CACNA1C: variants seen among roughly 807,000 people sequenced by gnomAD.
CACNA1C encodes the protein voltage-dependent L-type calcium channel subunit alpha-1C.
A neutral mutation model predicts 229.0 loss-of-function variants in CACNA1C; 30 were observed. The observed-to-expected ratio is 0.13, with a 90% CI of 0.10 to 0.18. The LOEUF (loss-of-function observed/expected upper bound fraction) is 0.18, where lower values mean the gene tolerates loss of function less well. CACNA1C is among the 10% of genes least tolerant of loss of function. The probability of loss-of-function intolerance (pLI) is 1.00; values close to 1 mark genes in which losing one functional copy is unlikely to be tolerated. For synonymous variants in CACNA1C, 1,114 were observed against 1,132.5 expected, an observed-to-expected ratio of 0.98 and a Z score of 0.33; for missense variants, 1,658 against 2,845.0, an observed-to-expected ratio of 0.58 and a Z score of 9.49.
intron 1 of CACNA1C, among the ~76,000 whole-genome samples, chr12:2,090,615 G>C (rs1265174022): frequency 1.3e-5 from 2 of 152,168 alleles, no homozygotes; most frequent in Non-Finnish European, 2.9e-5. Context: ...ACCGTGCCCA[G>C]CCACGGATAG....
At chr12:2,577,923 C>T (rs1189749423) in intron 13 of CACNA1C, among the ~76,000 whole-genome samples, 1 of 149,440 alleles carries the variant, frequency 6.7e-6, no homozygotes, top group Non-Finnish European at 1.5e-5. Context: ...GGCTGGAGTG[C>T]AGTGGCGCGA....
Position 2,115,420 on chromosome 12 carries a change from G to A in CACNA1C, c.246G>A (p.Lys82=). 1 of 1,612,782 alleles carries A rather than the reference G, an allele frequency of 6.2e-7. No individual in the cohort carries two copies. Among genetic ancestry groups the A allele is most frequent in the Admixed American group, 1.7e-5 (1 of 59,980 alleles). The part of the protein sequence containing the change: ...TISTVSSTQR[K]RQQYGKPKKQ... The stretch of plus-strand genomic sequence containing the variant: ...CCACAGTCAGCTCCACGCAGCGGAA[G>A]CGGCAGCAATATGGGAAACCCAAGA... The change falls in exon 2 of 47, where the codon AAG becomes AAA. Residue 82 remains lysine (K), a synonymous_variant. Transcript: ENST00000399655.
rs528050136 is a variant in CACNA1C at position 2,265,611 on chromosome 12, CA to C, written c.477+145184del. ...ATCCCCCAGGGGACCATCTTCCCTG[CA>C]AATGCAGGGTGACGCTGTGCAGTGG... On this transcript the variant is annotated intron_variant, in intron 3 of 46. Transcript: ENST00000399655. Among the ~76,000 whole-genome samples, 38 of 152,382 alleles carry C rather than the reference CA, an allele frequency of 2.5e-4. No individual in the cohort carries two copies. The East Asian group carries it at 6.7e-3, about 27-fold the overall frequency.
chr12:2,186,332 C>T (rs962914626), intron 3 of CACNA1C, among the ~76,000 whole-genome samples: 2 of 152,134 alleles, frequency 1.3e-5, no homozygotes, highest in African/African-American at 4.8e-5. Flanking sequence ...GGGATCTAGG[C>T]CCAAGTGACT....
At chr12:2,681,987 A>T in intron 42 of CACNA1C, 2 of 1,611,702 alleles carry the variant, frequency 1.2e-6, no homozygotes, top group Non-Finnish European at 1.7e-6. Flanking sequence ...TCTGGAGCTC[A>T]GGAGGGATTC....
intron 5 of CACNA1C, among the ~76,000 whole-genome samples, chr12:2,485,011 G>C (rs935569618): frequency 6.6e-6 from 1 of 151,314 alleles, no homozygotes; most frequent in Non-Finnish European, 1.5e-5. Context: ...CACCAACAAC[G>C]GCCTTGGGGT....
At chr12:2,305,979 C>T (rs999260471) in intron 3 of CACNA1C, among the ~76,000 whole-genome samples, 2 of 152,196 alleles carry the variant, frequency 1.3e-5, no homozygotes, top group East Asian at 1.9e-4. Context: ...ATCCTCATAT[C>T]GACCTTCTCC....
intron 9 of CACNA1C, among the ~76,000 whole-genome samples, chr12:2,514,273 C>G (rs1392272972): frequency 1.3e-5 from 2 of 152,164 alleles, no homozygotes. Flanking sequence ...TCTCTGCTCC[C>G]TCATTTCAAA....
At chr12:2,249,125 A>T (rs2154382976) in intron 3 of CACNA1C, among the ~76,000 whole-genome samples, 1 of 152,316 alleles carries the variant, frequency 6.6e-6, no homozygotes, top group East Asian at 1.9e-4. Flanking sequence ...CCTTTCTTCA[A>T]ATCCCAAGCC....
intron 1 of CACNA1C, among the ~76,000 whole-genome samples, chr12:2,045,156 G>A (rs1233777866): frequency 6.6e-6 from 1 of 152,164 alleles, no homozygotes; most frequent in Non-Finnish European, 1.5e-5. Context: ...CCAAATAAAT[G>A]TGTTTACTCT....
intron 1 of CACNA1C, among the ~76,000 whole-genome samples, chr12:2,039,163 A>G (rs1184127929): frequency 1.3e-5 from 2 of 152,210 alleles, no homozygotes; most frequent in Admixed American, 6.5e-5. Flanking sequence ...CAGAGTTCCA[A>G]TCCCCTGGTA....
chr12:2,078,358 CT>C (rs1246936167), intron 1 of CACNA1C, among the ~76,000 whole-genome samples: 1 of 152,094 alleles, frequency 6.6e-6, no homozygotes, highest in African/African-American at 2.4e-5. Flanking sequence ...CTATGACAGC[CT>C]GAGCTGATTA....
At position 2,354,559 on chromosome 12, in the gene CACNA1C, G is replaced by A. The variant is rs966306487; in HGVS notation, c.478-94417G>A. Among the ~76,000 whole-genome samples the A allele has an allele frequency of 2.6e-5, 4 of 152,128 alleles. No homozygotes were observed. The highest frequency in any genetic ancestry group is 6.5e-5 in the Admixed American group (1 of 15,272). On this transcript the variant is annotated intron_variant, in intron 3 of 46. Transcript: ENST00000399655. The surrounding 1 kb of genome is among the most constrained non-coding windows in gnomAD (Gnocchi z 4.6). ...CCCAAGAGAGGGAAAATGCCTTTCC[G>A]CATGCATGCTCTCCTAGCTATGCTT... is the stretch of plus-strand genomic sequence containing the variant.
At chr12:2,391,980 C>T (rs1288627659) in intron 3 of CACNA1C, among the ~76,000 whole-genome samples, 4 of 152,226 alleles carry the variant, frequency 2.6e-5, no homozygotes, top group Admixed American at 1.3e-4. Context: ...CCAGGAGTTC[C>T]GCTGGACAGC....
chr12:2,199,788 G>A lies in CACNA1C; in HGVS notation c.477+79358G>A, dbSNP rs1344546262. 2.0e-5 allele frequency among the ~76,000 whole-genome samples: 3 copies of A among 152,152 alleles called. No homozygotes were observed. The East Asian group carries it at 5.8e-4, about 29-fold the overall frequency. On this transcript the variant is annotated intron_variant, in intron 3 of 46. Coordinates refer to ENST00000399655, the MANE Select transcript of CACNA1C (RefSeq NM_000719.7). The stretch of plus-strand genomic sequence containing the variant: ...GCCTCTGTGGATGCCTATGTAAAGT[G>A]GCACCATTTACTTCAGCCGAGAGGT...
intron 1 of CACNA1C, among the ~76,000 whole-genome samples, chr12:2,024,749 G>A (rs966934439): frequency 2.6e-5 from 4 of 152,202 alleles, no homozygotes; most frequent in African/African-American, 9.6e-5. Context: ...AGGGCCTGTT[G>A]AGAGCATCTG....
chr12:2,112,107 C>T (rs771023891), intron 1 of CACNA1C, among the ~76,000 whole-genome samples: 2 of 152,170 alleles, frequency 1.3e-5, no homozygotes, highest in Non-Finnish European at 2.9e-5. Flanking sequence ...AGCAGCTCAC[C>T]GTGAGCCCTG....
chr12:2,679,589 A>G lies in CACNA1C; in HGVS notation c.5237A>G (p.Glu1746Gly). Residue 1746 changes from glutamate (E) to glycine (G), a missense_variant, in exon 42 of 47, where the codon GAG becomes GGG. Physicochemically the swap from Glu to Gly is moderately conservative, Grantham distance 98. Around this residue, in one of 20 missense-constraint regions of CACNA1C, gnomAD observed 590 missense variants for 700.8 expected, o/e 0.84. Coordinates refer to ENST00000399655, the MANE Select transcript of CACNA1C (RefSeq NM_000719.7). The surrounding 1 kb of genome is among the most constrained non-coding windows in gnomAD (Gnocchi z 5.5). The part of the protein sequence containing the change: ...SQGDTESPSH[E>G]KLVDSTFTPS... ...GGCGACACTGAGTCGCCATCCCACG[A>G]GAAGCTGGTGGACTCCACCTTCACC... is the stretch of plus-strand genomic sequence containing the variant. 2 of 1,613,748 alleles carry G rather than the reference A, an allele frequency of 1.2e-6. No homozygotes were observed. Among genetic ancestry groups the G allele is most frequent in the Non-Finnish European group, 1.7e-6 (2 of 1,179,802 alleles).
At chr12:2,050,687 T>C (rs1157463858), upstream of CACNA1C, among the ~76,000 whole-genome samples, 2 of 152,240 alleles carry the variant, frequency 1.3e-5, no homozygotes, top group Non-Finnish European at 2.9e-5. Context: ...CAGATTTCTC[T>C]TGTAACCAAC....
Sources: gnomAD v4.1 joint callset for allele counts (sites outside exome capture counted in the v4.1 genomes callset) on GRCh38, gnomAD v4.1.1 for gene constraint, gnomAD v4.1.1 regional missense constraint, Gnocchi (gnomAD v3.1) non-coding constraint, MANE v1.5 for transcripts, NCBI Gene and HGNC (gene_info 2026-07-23, HGNC 2026-07-21) for gene names.